Variants in SYNE2 observed in about 807,000 individuals in gnomAD.
The protein encoded by SYNE2 is nesprin-2.
A neutral mutation model predicts 856.3 loss-of-function variants in SYNE2; 431 were observed. The observed-to-expected ratio is 0.50, with a 90% CI of 0.47 to 0.55. The LOEUF is 0.55. Ranked by LOEUF, SYNE2 falls within the 20% of genes least tolerant of loss-of-function variation. The pLI is 0.00. For missense variants in SYNE2, 8,129 were observed against 8,023.2 expected (o/e 1.01, Z -0.50); for synonymous variants, 2,923 against 2,872.3 (o/e 1.02, Z -0.56).
Position 64,049,621 on chromosome 14 carries a change from C to A in SYNE2, c.7388C>A (p.Thr2463Asn). Residue 2463 changes from threonine (T) to asparagine (N), a missense_variant, in exon 47 of 116, where the codon ACC becomes AAC. This residue lies in a region of SYNE2 where 5,410 missense variants were observed against 5,284.8 expected (regional missense o/e 1.02). Transcript: ENST00000555002. ...GTGACTTATTTTTAGAAATTATATA[C>A]CCAGTTGGAAGCAAAGAAAGCAGCC... ...EQLEEIEKLY[T>N]QLEAKKAAIK... 1.9e-6 allele frequency: 3 copies of A among 1,613,802 alleles called. No individual in the cohort carries two copies. The highest frequency in any genetic ancestry group is 1.7e-6 in the Non-Finnish European group (2 of 1,179,922).
intron 1 of SYNE2, among the ~76,000 whole-genome samples, chr14:63,765,241 G>C (rs1886627472): frequency 1.3e-5 from 2 of 152,182 alleles, no homozygotes; most frequent in African/African-American, 4.8e-5. Context: ...GTAGCAGAAG[G>C]GCAAGGGATG....
chr14:63,921,820 T>C (rs913132266), intron 2 of SYNE2, among the ~76,000 whole-genome samples: 5 of 152,058 alleles, frequency 3.3e-5, no homozygotes, highest in African/African-American at 1.2e-4. Flanking sequence ...TCAAGAAGTT[T>C]GGATTTGAAG....
intron 66 of SYNE2, among the ~76,000 whole-genome samples, chr14:64,118,427 A>G (rs1469596216): frequency 6.6e-6 from 1 of 152,186 alleles, no homozygotes; most frequent in East Asian, 1.9e-4. Flanking sequence ...GTTCCAAATT[A>G]TTTCTTCTAT....
chr14:63,971,650 T>G (rs2096479180), intron 11 of SYNE2, among the ~76,000 whole-genome samples: 1 of 152,060 alleles, frequency 6.6e-6, no homozygotes, highest in Non-Finnish European at 1.5e-5. Flanking sequence ...TCTTTTATAT[T>G]TATCTAGGTA....
At chr14:64,184,409 G>A (rs1439512167) in intron 96 of SYNE2, among the ~76,000 whole-genome samples, 1 of 151,962 alleles carries the variant, frequency 6.6e-6, no homozygotes, top group Non-Finnish European at 1.5e-5. Context: ...GGGCAGGGCA[G>A]TGAGAGTAAA....
Position 64,051,542 on chromosome 14 carries a change from T to G in SYNE2, c.7644-15T>G. The G allele has an allele frequency of 1.2e-6, 2 of 1,602,872 alleles. No homozygotes were observed. The highest frequency in any genetic ancestry group is 1.7e-6 in the Non-Finnish European group (2 of 1,175,282). ...CATTAAATATTAACAAGCTCTATTTTTATTCTTTTTCTAGAGGACCACTGG... is the reference window on the plus strand; with the variant it reads ...CATTAAATATTAACAAGCTCTATTTGTATTCTTTTTCTAGAGGACCACTGG... On this transcript the variant is annotated splice_polypyrimidine_tract_variant and intron_variant, in intron 47 of 115. Coordinates refer to ENST00000555002, the MANE Select transcript of SYNE2 (RefSeq NM_182914.3).
At chr14:64,095,809 C>T (rs546709365) in intron 61 of SYNE2, among the ~76,000 whole-genome samples, 57 of 152,144 alleles carry the variant, frequency 3.7e-4, no homozygotes, top group Middle Eastern at 3.2e-3. Flanking sequence ...GTTGCCTCCC[C>T]TCCCCCCAAC....
At chr14:64,223,823 G>A (rs1280585922) in intron 113 of SYNE2, among the ~76,000 whole-genome samples, 1 of 152,094 alleles carries the variant, frequency 6.6e-6, no homozygotes, top group Non-Finnish European at 1.5e-5. Flanking sequence ...GGGCAGGTCT[G>A]TTTTCTCCTA....
At chr14:63,992,995 G>T (rs77436975) in intron 21 of SYNE2, among the ~76,000 whole-genome samples, 4 of 152,072 alleles carry the variant, frequency 2.6e-5, no homozygotes, top group Non-Finnish European at 5.9e-5. Flanking sequence ...CACAGGCCCC[G>T]ACCTGTTTTT....
chr14:64,021,716 A>G (rs2096937260), intron 36 of SYNE2, 141 bp from the exon 37 acceptor site: 1 of 1,041,136 alleles, frequency 9.6e-7, no homozygotes. Context: ...GCATTGTATC[A>G]TACATTTACT....
intron 80 of SYNE2, 61 bp downstream of exon 80, chr14:64,140,134 G>C (rs1246250493): frequency 6.5e-7 from 1 of 1,531,788 alleles, no homozygotes; most frequent in African/African-American, 1.4e-5. Flanking sequence ...CAAGGAAAAA[G>C]CATCAGGGTT....
chr14:63,998,346 A>G lies in SYNE2; in HGVS notation c.3353+18A>G, dbSNP rs184549776. On this transcript the variant is annotated intron_variant, in intron 26 of 115. Transcript: ENST00000555002. ...CTAGAGAGGTAAACTCTTTTTAAAA[A>G]CAACTGGAAAATCCACCAGAAGTCT... 177 of 1,525,114 alleles carry G rather than the reference A, an allele frequency of 1.2e-4. No individual in the cohort carries two copies. The African/African-American group carries it at 2.3e-3, about 20-fold the overall frequency. The allele number at this position is 1,525,114 out of a possible 1,614,324, so 94.5% of individuals were successfully genotyped here. A position where few individuals can be genotyped will look rare whatever the true frequency, so the allele number is the denominator to read the frequency against.
intron 1 of SYNE2, among the ~76,000 whole-genome samples, chr14:63,903,242 G>A (rs2095362375): frequency 6.6e-6 from 1 of 152,138 alleles, no homozygotes; most frequent in South Asian, 2.1e-4. Flanking sequence ...CAGTATTTGG[G>A]TTAATAATCT....
intron 79 of SYNE2, 53 bp downstream of exon 79, chr14:64,138,036 T>C (rs2098110016): frequency 6.4e-7 from 1 of 1,567,940 alleles, no homozygotes; most frequent in African/African-American, 1.4e-5. Flanking sequence ...AAGAAAGACC[T>C]CGGGGATTCT....
rs1372353804 is a variant in SYNE2, at chr14:64,141,390, T to C, written c.15026T>C (p.Ile5009Thr). The change falls in exon 81 of 116, where the codon ATC (isoleucine) becomes ACC (threonine). Residue 5009 changes from isoleucine to threonine, a missense_variant. Transcript: ENST00000555002. ...AAATCCTCCTTGAAGACTGCCGTTATCAGTATCGGGAACCAGCTTCTTCAC... is the reference window on the plus strand; with the variant it reads ...AAATCCTCCTTGAAGACTGCCGTTACCAGTATCGGGAACCAGCTTCTTCAC... ...DEKSSLKTAV[I>T]SIGNQLLHLK... is the part of the protein sequence containing the mutation. 6.2e-7 allele frequency: 1 copy of C among 1,614,000 alleles called. No individual in the cohort carries two copies. The highest frequency in any genetic ancestry group is 1.3e-5 in the African/African-American group (1 of 74,944).
intron 58 of SYNE2, among the ~76,000 whole-genome samples, chr14:64,088,838 G>A (rs1045129073): frequency 1.3e-5 from 2 of 152,170 alleles, no homozygotes; most frequent in Non-Finnish European, 2.9e-5. Flanking sequence ...TGTATCTTCA[G>A]GGAATAGTAA....
chr14:64,080,434 G>T, intron 55 of SYNE2, 22 bp from the exon 56 acceptor site: 1 of 1,613,542 alleles, frequency 6.2e-7, no homozygotes, highest in South Asian at 1.1e-5. Context: ...CATTCAAGTT[G>T]ACTTACGATT....
At chr14:64,178,896 TC>T (rs1359418164) in intron 96 of SYNE2, among the ~76,000 whole-genome samples, 1 of 152,014 alleles carries the variant, frequency 6.6e-6, no homozygotes, top group Non-Finnish European at 1.5e-5. Context: ...CAAAGTGAGA[TC>T]CCCATATGTA....
intron 1 of SYNE2, among the ~76,000 whole-genome samples, chr14:63,775,308 T>A (rs752543792): frequency 2.6e-5 from 4 of 151,970 alleles, no homozygotes; most frequent in African/African-American, 9.7e-5. Context: ...GGAGTCTCAC[T>A]CTGTTGCCCA....
Sources: allele counts gnomAD v4.1 joint callset (sites outside exome capture counted in the v4.1 genomes callset), GRCh38; gene constraint gnomAD v4.1.1; regional missense constraint gnomAD v4.1.1; transcripts MANE v1.5; gene names NCBI Gene and HGNC (gene_info 2026-07-23, HGNC 2026-07-21).